TEX264: variants seen among roughly 807,000 people sequenced by gnomAD.
TEX264 encodes testis expressed 264, ER-phagy receptor, also known as testis-expressed protein 264.
Under a neutral mutation model 23.4 loss-of-function variants are expected in TEX264, and 13 were observed. The ratio of observed to expected loss-of-function variants is 0.56; its 90% CI spans 0.36 to 0.88. The LOEUF (loss-of-function observed/expected upper bound fraction) is 0.88. TEX264 is among the 40% of genes least tolerant of loss of function. The pLI is 0.01. For synonymous variants in TEX264, 159 were observed against 170.0 expected (o/e 0.94, Z 0.50); for missense variants, 340 against 406.8 (o/e 0.84, Z 1.41).
At chr3:51,699,169 G>A (rs1334555930) in intron 3 of TEX264, among the ~76,000 whole-genome samples, 1 of 152,160 alleles carries the variant, frequency 6.6e-6, no homozygotes, top group Non-Finnish European at 1.5e-5. Context: ...TTTACCACCT[G>A]CCCTAGGGTG....
intron 3 of TEX264, among the ~76,000 whole-genome samples, chr3:51,695,584 G>A (rs1006909293): frequency 5.9e-5 from 9 of 152,216 alleles, no homozygotes; most frequent in African/African-American, 2.2e-4. Flanking sequence ...GACCTGCTGG[G>A]GAGGCACTGT....
chr3:51,680,357 G>A (rs73080633), intron 2 of TEX264, among the ~76,000 whole-genome samples: 1,681 of 152,250 alleles, frequency 0.011, 19 homozygotes, highest in Admixed American at 0.016. Flanking sequence ...GGCTGTCTTC[G>A]CTATAGCCTC....
chr3:51,698,844 T>C (rs1703169396), intron 3 of TEX264, among the ~76,000 whole-genome samples: 1 of 152,214 alleles, frequency 6.6e-6, no homozygotes, highest in African/African-American at 2.4e-5. Context: ...GGTGTTTAGC[T>C]GGCCTTGATC....
At chr3:51,692,905 G>A (rs909484018) in intron 3 of TEX264, among the ~76,000 whole-genome samples, 2 of 152,232 alleles carry the variant, frequency 1.3e-5, no homozygotes, top group Non-Finnish European at 2.9e-5. Context: ...GCCACACAAC[G>A]GCCCAGGCCC....
chr3:51,675,406 G>C (rs1172158943), intron 2 of TEX264, among the ~76,000 whole-genome samples: 1 of 152,160 alleles, frequency 6.6e-6, no homozygotes. Context: ...TGATTTCCTT[G>C]CCTGGAGAGC....
intron 4 of TEX264, among the ~76,000 whole-genome samples, chr3:51,701,469 C>G (rs781416202): frequency 6.6e-6 from 1 of 151,896 alleles, no homozygotes; most frequent in Non-Finnish European, 1.5e-5. Context: ...TGACAAGAGG[C>G]GTGTACCACC....
intron 3 of TEX264, among the ~76,000 whole-genome samples, chr3:51,688,491 C>A (rs919952312): frequency 2.0e-5 from 3 of 152,198 alleles, no homozygotes; most frequent in African/African-American, 7.2e-5. Context: ...GCCAAGCCCC[C>A]ATGCCTGATT....
At chr3:51,693,149 C>G (rs1277809039) in intron 3 of TEX264, among the ~76,000 whole-genome samples, 1 of 152,334 alleles carries the variant, frequency 6.6e-6, no homozygotes, top group South Asian at 2.1e-4. Context: ...CACAGGACAC[C>G]GAGGAAGCCA....
intron 3 of TEX264, among the ~76,000 whole-genome samples, chr3:51,694,136 CTTCCTTCTTTCCTTCTTTCT>C (rs1702965427): frequency 7.8e-6 from 1 of 128,654 alleles, no homozygotes; most frequent in Admixed American, 7.8e-5. Flanking sequence ...TCCTTCCTTC[CTTCCTTCTTTCCTTCTTTCT>C]TGTTTTGCTC....
intron 3 of TEX264, 60 bp from the exon 4 acceptor site, chr3:51,699,346 G>A: frequency 6.4e-7 from 1 of 1,572,448 alleles, no homozygotes; most frequent in East Asian, 2.3e-5. Flanking sequence ...GGGTCACCCA[G>A]GGACAAGTGA....
chr3:51,678,249 T>G (rs896347506), intron 2 of TEX264, among the ~76,000 whole-genome samples: 1 of 152,156 alleles, frequency 6.6e-6, no homozygotes. Context: ...CCTTCAGTGT[T>G]GGAGGGGAAG....
intron 4 of TEX264, among the ~76,000 whole-genome samples, chr3:51,702,432 G>A (rs906197304): frequency 3.3e-5 from 5 of 152,234 alleles, no homozygotes; most frequent in Non-Finnish European, 7.3e-5. Context: ...CGCCCAGAGG[G>A]CATATTCTGG....
intron 2 of TEX264, chr3:51,682,376 T>C (rs1353595242): frequency 1.3e-5 from 2 of 152,242 alleles, no homozygotes; most frequent in African/African-American, 4.8e-5. Context: ...GGTAGACTTA[T>C]GGAGGGCAAG....
chr3:51,698,545 C>A (rs1703159167), intron 3 of TEX264, among the ~76,000 whole-genome samples: 1 of 152,172 alleles, frequency 6.6e-6, no homozygotes, highest in Non-Finnish European at 1.5e-5. Flanking sequence ...TCTGGCATGT[C>A]TGTGCCCCTC....
intron 2 of TEX264, chr3:51,683,845 C>G (rs1484057729): frequency 6.4e-6 from 1 of 156,054 alleles, no homozygotes; most frequent in Non-Finnish European, 1.4e-5. Context: ...CCGTGGAGGG[C>G]TCTGAGCTCT....
chr3:51,672,212 G>T (rs1450729201), intron 1 of TEX264: 1 of 152,250 alleles, frequency 6.6e-6, no homozygotes, highest in African/African-American at 2.4e-5. Flanking sequence ...CTGGGCAGGG[G>T]TGACTGTTCT....
At position 51,703,123 on chromosome 3, in the gene TEX264, G is replaced by T. The variant is rs187737896; in HGVS notation, c.650-601G>T. Among the ~76,000 whole-genome samples, 4 of 152,148 alleles carry T rather than the reference G, an allele frequency of 2.6e-5. No individual in the cohort carries two copies. The East Asian group carries it at 7.7e-4, about 29-fold the overall frequency. On this transcript the variant is annotated intron_variant, in intron 4 of 4. Coordinates refer to ENST00000341333, the MANE Select transcript of TEX264 (RefSeq NM_015926.6). This position sits in a 1 kb window ranked among gnomAD's most constrained non-coding sequence, Gnocchi z 4.8. ...TTCTCAGGCCTTCTCCATCCTCCTC[G>T]TACTTCAGCTCCCTCCTCAACTGGG...
At chr3:51,688,582 G>A (rs902935307) in intron 3 of TEX264, among the ~76,000 whole-genome samples, 1 of 152,268 alleles carries the variant, frequency 6.6e-6, no homozygotes, top group South Asian at 2.1e-4. Context: ...TTAGGGGGAG[G>A]GTCTTTGTAA....
At chr3:51,682,806 G>A (rs572264487) in intron 2 of TEX264, 25 of 152,412 alleles carry the variant, frequency 1.6e-4, no homozygotes, top group Admixed American at 5.9e-4. Context: ...GATGCCGTAG[G>A]CTTCAAGGGG....
Sources: gnomAD v4.1 joint callset for allele counts (sites outside exome capture counted in the v4.1 genomes callset) on GRCh38, gnomAD v4.1.1 for gene constraint, Gnocchi (gnomAD v3.1) non-coding constraint, MANE v1.5 for transcripts, NCBI Gene and HGNC (gene_info 2026-07-23, HGNC 2026-07-21) for gene names.